Variants in EPB41 observed in about 807,000 individuals in gnomAD.
EPB41 encodes the protein erythrocyte membrane protein band 4.1, also known as protein 4.1.
Under a neutral mutation model 108.0 loss-of-function variants are expected in EPB41, and 65 were observed. The observed-to-expected ratio is 0.60, with a 90% confidence interval of 0.49 to 0.74. The LOEUF (loss-of-function observed/expected upper bound fraction) is 0.74. Among genes scored for constraint, EPB41 ranks in the 30% least tolerant of loss-of-function variants. EPB41 has a pLI of 0.00. For synonymous variants in EPB41, 336 were observed against 358.9 expected (o/e 0.94, Z 0.72); for missense variants, 875 against 1,037.0 (o/e 0.84, Z 2.15).
intron 16 of EPB41, chr1:29,096,856 C>T (rs1663377208): frequency 6.5e-6 from 1 of 152,730 alleles, no homozygotes. Flanking sequence ...TAAGTGTGTT[C>T]ATCTTTTCCT....
intron 7 of EPB41, among the ~76,000 whole-genome samples, chr1:29,024,139 A>AT (rs1183517198): frequency 1.3e-5 from 2 of 151,606 alleles, no homozygotes; most frequent in Non-Finnish European, 2.9e-5. Context: ...GATTGAGACC[A>AT]TCCTAGCCAA....
chr1:28,967,009 G>T (rs1286993465), intron 1 of EPB41, among the ~76,000 whole-genome samples: 2 of 135,108 alleles, frequency 1.5e-5, no homozygotes, highest in African/African-American at 2.7e-5. Flanking sequence ...ATTCATATGA[G>T]AACCTTTTTT....
chr1:28,977,309 A>G (rs564465749), intron 1 of EPB41, among the ~76,000 whole-genome samples: 2 of 152,268 alleles, frequency 1.3e-5, no homozygotes, highest in South Asian at 2.1e-4. Flanking sequence ...AGAAGCATTA[A>G]TGGAGCACTG....
At chr1:28,949,791 A>T (rs576731842) in intron 1 of EPB41, among the ~76,000 whole-genome samples, 1 of 151,846 alleles carries the variant, frequency 6.6e-6, no homozygotes, top group East Asian at 1.9e-4. Context: ...TTTAGTAGAG[A>T]CGAGGTTCTA....
rs548653205 is a variant in EPB41, at chr1:28,934,434, C to CTCTA, written c.-8+19667_-8+19670dup. Among the ~76,000 whole-genome samples, 286 of 151,404 alleles carry CTCTA rather than the reference C, an allele frequency of 1.9e-3. 1 individual carries two copies. The highest frequency in any genetic ancestry group is 6.7e-3 in the African/African-American group (274 of 41,202). On this transcript the variant is annotated intron_variant, in intron 1 of 20. Coordinates refer to ENST00000343067, the MANE Select transcript of EPB41 (RefSeq NM_001376013.1). ...CACACCTAAGGAGTGGAGAGTTGTA[C>CTCTA]TCTACCTCCTTGAGGGCAAAATATC...
chr1:28,956,686 T>C (rs1055480652), intron 1 of EPB41, among the ~76,000 whole-genome samples: 1 of 152,248 alleles, frequency 6.6e-6, no homozygotes, highest in Non-Finnish European at 1.5e-5. Context: ...TTTATATTAC[T>C]ACAGAATAAT....
intron 4 of EPB41, among the ~76,000 whole-genome samples, chr1:29,009,549 A>G (rs1391307142): frequency 6.6e-6 from 1 of 152,202 alleles, no homozygotes; most frequent in Non-Finnish European, 1.5e-5. Context: ...ATGGTAAGAA[A>G]TACCTACTCC....
At chr1:28,968,785 G>A (rs61785236) in intron 1 of EPB41, among the ~76,000 whole-genome samples, 8,509 of 152,078 alleles carry the variant, frequency 0.056, 303 homozygotes, top group Non-Finnish European at 0.088. Flanking sequence ...CCAACATGGT[G>A]AGACCCCCGT....
intron 1 of EPB41, among the ~76,000 whole-genome samples, chr1:28,905,307 G>A (rs1433248775): frequency 1.3e-5 from 2 of 151,702 alleles, no homozygotes; most frequent in Admixed American, 6.6e-5. Context: ...GACCAGCCTG[G>A]CCAACATGGC....
chr1:28,994,398 C>T (rs1026343395), intron 3 of EPB41, among the ~76,000 whole-genome samples: 4 of 151,034 alleles, frequency 2.6e-5, no homozygotes, highest in African/African-American at 9.7e-5. Flanking sequence ...GTCTCGATCT[C>T]CTGACCTCGT....
chr1:29,095,412 A>C (rs1662843674), intron 16 of EPB41, among the ~76,000 whole-genome samples: 1 of 152,194 alleles, frequency 6.6e-6, no homozygotes, highest in African/African-American at 2.4e-5. Context: ...ACTAGTCTAG[A>C]TTTTAGCTTC....
intron 19 of EPB41, 131 bp downstream of exon 19, chr1:29,112,579 A>G: frequency 1.3e-6 from 1 of 741,212 alleles, no homozygotes. Flanking sequence ...TTGAGAAGAA[A>G]GACAAAGACA....
intron 17 of EPB41, among the ~76,000 whole-genome samples, chr1:29,100,368 A>G (rs1664887054): frequency 3.0e-5 from 3 of 99,540 alleles, no homozygotes; most frequent in African/African-American, 8.5e-5. Flanking sequence ...AGGCTGAGGC[A>G]GGAGAATCGC....
At chr1:28,969,788 C>T (rs1429553423) in intron 1 of EPB41, among the ~76,000 whole-genome samples, 1 of 152,132 alleles carries the variant, frequency 6.6e-6, no homozygotes, top group African/African-American at 2.4e-5. Flanking sequence ...GTAGTCCCAG[C>T]TACTCGGGAG....
chr1:29,081,089 C>T (rs957081453), intron 16 of EPB41, among the ~76,000 whole-genome samples: 7 of 152,038 alleles, frequency 4.6e-5, no homozygotes, highest in Admixed American at 1.3e-4. Flanking sequence ...TCTCTGTGGC[C>T]CAATAATTAG....
upstream of EPB41, chr1:28,887,103 A>G (rs1322250120): frequency 6.6e-6 from 4 of 606,872 alleles, no homozygotes; most frequent in Non-Finnish European, 1.1e-5. This position sits in a 1 kb window ranked among gnomAD's most constrained non-coding sequence, Gnocchi z 4.9. Flanking sequence ...TTGCCCTGTC[A>G]GTGCAGGTGG....
chr1:29,057,402 A>G (rs1342063438), intron 12 of EPB41, among the ~76,000 whole-genome samples: 1 of 151,248 alleles, frequency 6.6e-6, no homozygotes, highest in African/African-American at 2.4e-5. Context: ...AAAAAGAAAA[A>G]GAAATAACCC....
intron 1 of EPB41, among the ~76,000 whole-genome samples, chr1:28,952,810 C>A (rs762762504): frequency 6.6e-6 from 1 of 152,024 alleles, no homozygotes; most frequent in Non-Finnish European, 1.5e-5. Flanking sequence ...AAATTTCTTG[C>A]GTAAATTTAG....
chr1:29,085,141 C>CTTTTTT (rs527593950), intron 16 of EPB41, among the ~76,000 whole-genome samples: 150 of 117,232 alleles, frequency 1.3e-3, no homozygotes, highest in African/African-American at 1.6e-3. Flanking sequence ...CTTTGATCTT[C>CTTTTTT]TTTTTTTTTT....
Sources: gnomAD v4.1 joint callset for allele counts (sites outside exome capture counted in the v4.1 genomes callset) on GRCh38, gnomAD v4.1.1 for gene constraint, Gnocchi (gnomAD v3.1) non-coding constraint, MANE v1.5 for transcripts, NCBI Gene and HGNC (gene_info 2026-07-23, HGNC 2026-07-21) for gene names.